Variants in GLIS3 observed in about 807,000 individuals in gnomAD.
GLIS3 encodes the protein GLIS family zinc finger 3.
GLIS3 carries 53 observed loss-of-function variants against 78.6 expected under a neutral mutation model. The ratio of observed to expected loss-of-function variants is 0.67; its 90% CI spans 0.54 to 0.85. The LOEUF is 0.85. Ranked by LOEUF, GLIS3 falls within the 40% of genes least tolerant of loss-of-function variation. The probability of loss-of-function intolerance (pLI) is 0.00; values close to 1 mark genes in which losing one functional copy is unlikely to be tolerated. For missense variants in GLIS3, 1,703 were observed against 1,231.1 expected (o/e 1.38, Z -5.74); for synonymous variants, 684 against 509.9 (o/e 1.34, Z -4.60).
chr9:4,244,155 C>T (rs897778711), intron 2 of GLIS3, among the ~76,000 whole-genome samples: 2 of 152,212 alleles, frequency 1.3e-5, no homozygotes, highest in Non-Finnish European at 2.9e-5. Context: ...GTACTCTGTA[C>T]CTCTTTAGTG....
At chr9:4,365,390 T>C in the GLIS3 span, among the ~76,000 whole-genome samples, 243 of 152,048 alleles carry the variant, frequency 1.6e-3, 1 homozygote, top group African/African-American at 5.7e-3. Context: ...ACCCCAACTC[T>C]ACTAAAAGTA....
At chr9:3,871,384 CTGTG>C (rs537574405) in intron 8 of GLIS3, among the ~76,000 whole-genome samples, 222 of 152,342 alleles carry the variant, frequency 1.5e-3, no homozygotes, top group Middle Eastern at 6.8e-3. Context: ...AGTAGAGACT[CTGTG>C]TGGGCTCTCC....
At chr9:3,985,605 T>C (rs1226852095) in intron 4 of GLIS3, among the ~76,000 whole-genome samples, 2 of 152,236 alleles carry the variant, frequency 1.3e-5, no homozygotes, top group Non-Finnish European at 2.9e-5. Flanking sequence ...ACAGATTGTG[T>C]AGATATACAA....
intron 4 of GLIS3, among the ~76,000 whole-genome samples, chr9:4,042,529 A>G (rs1824906876): frequency 1.3e-5 from 2 of 152,018 alleles, no homozygotes; most frequent in African/African-American, 4.8e-5. Context: ...AAAACCCCTC[A>G]CCATCTAGTG....
At chr9:4,057,074 C>T (rs1156262426) in intron 4 of GLIS3, among the ~76,000 whole-genome samples, 1 of 152,004 alleles carries the variant, frequency 6.6e-6, no homozygotes, top group Non-Finnish European at 1.5e-5. Flanking sequence ...TAAATTTCAT[C>T]TCATTCAAGA....
At chr9:4,047,296 G>A (rs1439258389) in intron 4 of GLIS3, among the ~76,000 whole-genome samples, 2 of 152,098 alleles carry the variant, frequency 1.3e-5, no homozygotes, top group Non-Finnish European at 2.9e-5. Flanking sequence ...CATGCAGAAC[G>A]TGAGTCAATT....
chr9:4,267,025 A>C (rs573700360), intron 2 of GLIS3, among the ~76,000 whole-genome samples: 2 of 152,302 alleles, frequency 1.3e-5, no homozygotes, highest in Admixed American at 6.5e-5. Flanking sequence ...CAAGACTTGG[A>C]AAATGTTGGT....
chr9:4,125,455 G>C (rs1832500128), intron 3 of GLIS3, among the ~76,000 whole-genome samples: 1 of 152,148 alleles, frequency 6.6e-6, no homozygotes, highest in Non-Finnish European at 1.5e-5. Flanking sequence ...TACACACCGT[G>C]TTTCAGTCAC....
chr9:4,042,950 GAA>G lies in GLIS3; in HGVS notation c.1710+74816_1710+74817del, dbSNP rs5896041. Among the ~76,000 whole-genome samples, 982 of 113,580 alleles carry G rather than the reference GAA, an allele frequency of 8.6e-3. 3 individuals are homozygous for G. The highest frequency in any genetic ancestry group is 0.033 in the Middle Eastern group (6 of 184). The allele number at this position is 113,580 out of a possible 152,430, so 74.5% of individuals were successfully genotyped here. A position where few individuals can be genotyped will look rare whatever the true frequency, so the allele number is the denominator to read the frequency against. On this transcript the variant is annotated intron_variant, in intron 4 of 10. Coordinates refer to ENST00000381971, the MANE Select transcript of GLIS3 (RefSeq NM_001042413.2). ...CAAGTCATTAGAGCTTGCTTGAAAA[GAA>G]AAAAAAAAAAAAAGGTACAGTGAAA...
intron 4 of GLIS3, among the ~76,000 whole-genome samples, chr9:4,055,316 T>C (rs1242927726): frequency 1.3e-5 from 2 of 152,150 alleles, no homozygotes; most frequent in Non-Finnish European, 2.9e-5. Flanking sequence ...TACTCTAAAT[T>C]CCAGGTGCAT....
Position 3,828,259 on chromosome 9 carries a change from G to T in GLIS3, c.*13C>A. On this transcript the variant is annotated 3_prime_UTR_variant, in exon 11 of 11. Transcript: ENST00000381971. ...TCAAGGTCCTGGGTGTGCAGGAGTG[G>T]CCAAGAGAGCTTTTAGCCTTCGGTG... 4 of 1,613,912 alleles carry T rather than the reference G, an allele frequency of 2.5e-6. No homozygotes were observed. The highest frequency in any genetic ancestry group is 3.4e-6 in the Non-Finnish European group (4 of 1,179,966).
intron 7 of GLIS3, among the ~76,000 whole-genome samples, chr9:3,893,560 A>C (rs1295574055): frequency 6.6e-6 from 1 of 152,172 alleles, no homozygotes; most frequent in Non-Finnish European, 1.5e-5. Context: ...ATGTAGTGAG[A>C]AACAGAACTA....
intron 4 of GLIS3, among the ~76,000 whole-genome samples, chr9:4,049,977 G>C (rs573303861): frequency 6.6e-6 from 1 of 152,090 alleles, no homozygotes; most frequent in Non-Finnish European, 1.5e-5. Context: ...TGGAGAAATA[G>C]GAACACTTTT....
At chr9:4,000,409 GAC>G (rs1345826744) in intron 4 of GLIS3, among the ~76,000 whole-genome samples, 2 of 152,056 alleles carry the variant, frequency 1.3e-5, no homozygotes, top group Non-Finnish European at 2.9e-5. Flanking sequence ...AGAGGAAAGA[GAC>G]ACAGAGATTC....
chr9:4,211,540 C>T (rs1820374726), intron 2 of GLIS3, among the ~76,000 whole-genome samples: 1 of 152,204 alleles, frequency 6.6e-6, no homozygotes. Context: ...TTAAAGTTAG[C>T]CCTGAAGGCT....
chr9:3,948,716 A>G (rs1281486218), intron 4 of GLIS3, among the ~76,000 whole-genome samples: 2 of 152,236 alleles, frequency 1.3e-5, no homozygotes, highest in African/African-American at 4.8e-5. Flanking sequence ...TATTTAGAGT[A>G]GTTGGCCTTT....
chr9:4,079,390 T>G (rs991101768), intron 4 of GLIS3, among the ~76,000 whole-genome samples: 2 of 152,160 alleles, frequency 1.3e-5, no homozygotes, highest in African/African-American at 4.8e-5. Flanking sequence ...GTATGCTGCC[T>G]CCTTAAACTG....
chr9:4,267,661 A>C (rs912225900), intron 2 of GLIS3, among the ~76,000 whole-genome samples: 2 of 152,328 alleles, frequency 1.3e-5, no homozygotes, highest in South Asian at 4.1e-4. Context: ...ACTAGCTCCC[A>C]GTTCCTAAAA....
chr9:4,197,278 C>T (rs140054390), intron 2 of GLIS3, among the ~76,000 whole-genome samples: 71 of 152,294 alleles, frequency 4.7e-4, no homozygotes, highest in African/African-American at 1.7e-3. Context: ...CTCTCCACTC[C>T]ATGACTAAGC....
Sources: allele counts gnomAD v4.1 joint callset (sites outside exome capture counted in the v4.1 genomes callset), GRCh38; gene constraint gnomAD v4.1.1; transcripts MANE v1.5; gene names NCBI Gene and HGNC (gene_info 2026-07-23, HGNC 2026-07-21).